Variants in SP3 observed in about 807,000 individuals in gnomAD.
SP3 encodes the protein Sp3 transcription factor.
Under a neutral mutation model 70.3 loss-of-function variants are expected in SP3, and 10 were observed. The observed-to-expected ratio is 0.14, with a 90% CI of 0.09 to 0.24. The LOEUF is 0.24. Among genes scored for constraint, SP3 ranks in the 10% least tolerant of loss-of-function variants. SP3 has a pLI of 1.00. For missense variants in SP3, 825 were observed against 914.6 expected (o/e 0.90, Z 1.26); for synonymous variants, 402 against 333.5 (o/e 1.21, Z -2.24).
intron 4 of SP3, among the ~76,000 whole-genome samples, chr2:173,945,378 A>G (rs150338007): frequency 9.2e-5 from 14 of 152,320 alleles, no homozygotes; most frequent in African/African-American, 3.4e-4. Flanking sequence ...CTAAATTGTT[A>G]TACTAAAAAA....
intron 4 of SP3, among the ~76,000 whole-genome samples, chr2:173,924,573 C>T (rs1395682750): frequency 1.3e-5 from 2 of 152,186 alleles, no homozygotes; most frequent in Non-Finnish European, 2.9e-5. Flanking sequence ...ATGTCATGCT[C>T]CCAACTACGC....
intron 4 of SP3, among the ~76,000 whole-genome samples, chr2:173,930,397 T>C (rs1230345508): frequency 1.3e-5 from 2 of 151,884 alleles, no homozygotes; most frequent in African/African-American, 2.4e-5. Flanking sequence ...GGAGACTGCC[T>C]CTAATTTAAT....
chr2:173,961,160 G>A (rs1051247921), intron 3 of SP3, among the ~76,000 whole-genome samples: 1 of 152,108 alleles, frequency 6.6e-6, no homozygotes, highest in African/African-American at 2.4e-5. Context: ...ACAAAGGAGC[G>A]TTGCTATAAA....
rs1313331990 is a variant in SP3, at chr2:173,964,407, G to C, written c.154C>G (p.Gln52Glu). The C allele has an allele frequency of 1.4e-6, 1 of 720,658 alleles. No homozygotes were observed. The highest frequency in any genetic ancestry group is 2.5e-6 in the Non-Finnish European group (1 of 395,492). 44.6% of individuals were successfully genotyped at this position (720,658 alleles called of 1,614,324 possible). A position where few individuals can be genotyped will look rare whatever the true frequency, so the allele number is the denominator to read the frequency against. ...NGAVAAAAAA[Q>E]DTQPSPLALL... ...GCCGGGGTTCAGCCGCTCCTCACCT[G>C]GGCCGCCGCTGCCGCCGCCACCGCA... is the stretch of plus-strand genomic sequence containing the variant. The change falls in exon 2 of 7, where the codon CAG (glutamine) becomes GAG (glutamate). Residue 52 changes from glutamine to glutamate, a missense_variant and splice_region_variant. Coordinates refer to ENST00000310015, the MANE Select transcript of SP3 (RefSeq NM_003111.5).
At chr2:173,930,534 TTCTTA>T (rs1690039171) in intron 4 of SP3, among the ~76,000 whole-genome samples, 1 of 152,246 alleles carries the variant, frequency 6.6e-6, no homozygotes, top group African/African-American at 2.4e-5. Flanking sequence ...GCTCATCTCT[TTCTTA>T]TAACACCTTG....
chr2:173,950,620 C>T (rs928205530), intron 4 of SP3, among the ~76,000 whole-genome samples: 2 of 150,766 alleles, frequency 1.3e-5, no homozygotes, highest in African/African-American at 4.9e-5. Flanking sequence ...ATAATCATGC[C>T]ACTGCACTCC....
At chr2:173,964,079 A>G (rs1340391099) in intron 2 of SP3, 196 bp from the exon 3 acceptor site, 2 of 338,796 alleles carry the variant, frequency 5.9e-6, no homozygotes, top group Non-Finnish European at 1.1e-5. Flanking sequence ...CCCCGCTCCA[A>G]GCACCCCGGC....
chr2:173,907,443 A>G lies in SP3; in HGVS notation c.*2498T>C, dbSNP rs1259612991. 2 of 152,166 alleles carry G rather than the reference A, an allele frequency of 1.3e-5. No individual in the cohort carries two copies. Among genetic ancestry groups the G allele is most frequent in the Middle Eastern group, 3.2e-3 (1 of 316 alleles). 9.4% of individuals were successfully genotyped at this position (152,166 alleles called of 1,614,324 possible). A position where few individuals can be genotyped will look rare whatever the true frequency, so the allele number is the denominator to read the frequency against. On this transcript the variant is annotated 3_prime_UTR_variant, in exon 7 of 7. Coordinates refer to ENST00000310015, the MANE Select transcript of SP3 (RefSeq NM_003111.5). ...TTAAAATTATCTACACTGAGGTTACATAACTTTGGTAAAAGTTCCAAAGTT... is the reference window on the plus strand; with the variant it reads ...TTAAAATTATCTACACTGAGGTTACGTAACTTTGGTAAAAGTTCCAAAGTT...
At chr2:173,953,773 ACAAAAC>A (rs1690789667) in intron 4 of SP3, among the ~76,000 whole-genome samples, 3 of 128,200 alleles carry the variant, frequency 2.3e-5, no homozygotes, top group African/African-American at 6.0e-5. Flanking sequence ...ATCTCAAAAA[ACAAAAC>A]AAAACAAAAA....
rs1483133514 is a variant in SP3 at position 173,901,291 on chromosome 2, C to T, written c.*8650G>A. 6.6e-6 allele frequency among the ~76,000 whole-genome samples: 1 copy of T among 151,958 alleles called. No homozygotes were observed. The highest frequency in any genetic ancestry group is 1.5e-5 in the Non-Finnish European group (1 of 67,980). ...AGACACAAAAGCCACAATTCAGATACAATAAAACTTCTGCAAAACAACACA... is the reference window on the plus strand; with the variant it reads ...AGACACAAAAGCCACAATTCAGATATAATAAAACTTCTGCAAAACAACACA... On this transcript the variant is annotated 3_prime_UTR_variant, in exon 7 of 7. Coordinates refer to ENST00000310015, the MANE Select transcript of SP3 (RefSeq NM_003111.5).
chr2:173,954,270 T>C (rs955407171), intron 4 of SP3, among the ~76,000 whole-genome samples: 1 of 152,204 alleles, frequency 6.6e-6, no homozygotes, highest in African/African-American at 2.4e-5. Flanking sequence ...ACCCATACTA[T>C]TGACAACTAT....
In SP3 at chr2:173,907,555, A is replaced by G. The variant is rs1159988597; in HGVS notation, c.*2386T>C. 1 of 152,104 alleles carries G rather than the reference A, an allele frequency of 6.6e-6. No homozygotes were observed. Among genetic ancestry groups the G allele is most frequent in the Admixed American group, 6.5e-5 (1 of 15,274 alleles). The allele number at this position is 152,104 out of a possible 1,614,324, so 9.4% of individuals were successfully genotyped here. The stretch of plus-strand genomic sequence containing the variant: ...ACTACTTACTTTCTTCATTGCATTC[A>G]TTCTCCACGAATTCATAAAATATGC... On this transcript the variant is annotated 3_prime_UTR_variant, in exon 7 of 7. Coordinates refer to ENST00000310015, the MANE Select transcript of SP3 (RefSeq NM_003111.5).
chr2:173,957,364 T>C (rs1690929020), intron 3 of SP3, among the ~76,000 whole-genome samples: 1 of 152,096 alleles, frequency 6.6e-6, no homozygotes, highest in African/African-American at 2.4e-5. Flanking sequence ...ACTAGTCATA[T>C]GATCAAAACA....
At chr2:173,929,926 A>T (rs1323287128) in intron 4 of SP3, among the ~76,000 whole-genome samples, 1 of 152,206 alleles carries the variant, frequency 6.6e-6, no homozygotes, top group Non-Finnish European at 1.5e-5. Flanking sequence ...GATTCTATCC[A>T]ATTCCAAGCG....
chr2:173,937,282 A>C (rs1690236867), intron 4 of SP3, among the ~76,000 whole-genome samples: 1 of 152,204 alleles, frequency 6.6e-6, no homozygotes, highest in Non-Finnish European at 1.5e-5. Context: ...TGCAAGAAAA[A>C]CCAAGAACAC....
At chr2:173,963,604 G>C (rs1270961114) in intron 3 of SP3, among the ~76,000 whole-genome samples, 157 bp downstream of exon 3, 7 of 152,098 alleles carry the variant, frequency 4.6e-5, no homozygotes, top group East Asian at 3.9e-4. Flanking sequence ...GATCCAAACC[G>C]GGATGCGAAA....
chr2:173,965,034 C>T (rs1165699683), intron 1 of SP3, 131 bp downstream of exon 1: 8 of 1,255,276 alleles, frequency 6.4e-6, no homozygotes, highest in Non-Finnish European at 8.9e-6. Flanking sequence ...GGGAGTGCAG[C>T]TTTCTGCCTC....
At chr2:173,956,757 T>G (rs1263981234) in intron 3 of SP3, among the ~76,000 whole-genome samples, 1 of 152,170 alleles carries the variant, frequency 6.6e-6, no homozygotes, top group Non-Finnish European at 1.5e-5. Context: ...ACTCTACTTT[T>G]TCCATGAACT....
At chr2:173,935,716 CT>C (rs773101165) in intron 4 of SP3, among the ~76,000 whole-genome samples, 3 of 152,316 alleles carry the variant, frequency 2.0e-5, no homozygotes, top group Non-Finnish European at 4.4e-5. Flanking sequence ...AATTCCATTC[CT>C]TTGTCCTAGG....
Sources: gnomAD v4.1 joint callset for allele counts (sites outside exome capture counted in the v4.1 genomes callset) on GRCh38, gnomAD v4.1.1 for gene constraint, MANE v1.5 for transcripts, NCBI Gene and HGNC (gene_info 2026-07-23, HGNC 2026-07-21) for gene names.